The following TANGO2 variants were observed in gnomAD, a reference collection of about 807,000 sequenced individuals.
TANGO2 encodes the protein transport and Golgi organization protein 2 homolog.
Under a neutral mutation model 39.1 loss-of-function variants are expected in TANGO2, and 26 were observed. The ratio of observed to expected loss-of-function variants is 0.67; its 90% CI spans 0.49 to 0.92. The LOEUF is 0.92. Ranked by LOEUF, TANGO2 falls within the 40% of genes least tolerant of loss-of-function variation. The probability of loss-of-function intolerance (pLI) is 0.00; values close to 1 mark genes in which losing one functional copy is unlikely to be tolerated. For missense variants in TANGO2, 326 were observed against 360.1 expected (o/e 0.91, Z 0.77); for synonymous variants, 131 against 144.5 (o/e 0.91, Z 0.67).
chr22:20,062,798 A>G (rs1228354036), intron 7 of TANGO2, among the ~76,000 whole-genome samples: 2 of 152,238 alleles, frequency 1.3e-5, no homozygotes, highest in East Asian at 3.9e-4. Flanking sequence ...AGTTAAGGGT[A>G]GATGGAGATT....
At chr22:20,047,707 A>T (rs948140034) in intron 3 of TANGO2, among the ~76,000 whole-genome samples, 2 of 152,102 alleles carry the variant, frequency 1.3e-5, no homozygotes, top group African/African-American at 4.8e-5. Context: ...AGCCTCTCTA[A>T]TCATGGGCTC....
intron 3 of TANGO2, among the ~76,000 whole-genome samples, chr22:20,049,145 G>A (rs1208013618): frequency 6.6e-6 from 1 of 152,124 alleles, no homozygotes; most frequent in African/African-American, 2.4e-5. Context: ...TGAGGTAGGG[G>A]TTGAGATTTA....
intron 1 of TANGO2, among the ~76,000 whole-genome samples, chr22:20,036,464 G>A (rs893715482): frequency 2.6e-5 from 4 of 152,146 alleles, no homozygotes; most frequent in Admixed American, 6.5e-5. Flanking sequence ...GGACCCCCTC[G>A]GCACCCCAGC....
intron 1 of TANGO2, among the ~76,000 whole-genome samples, chr22:20,028,779 A>C (rs553106413): frequency 2.3e-4 from 35 of 152,306 alleles, no homozygotes; most frequent in African/African-American, 7.9e-4. Flanking sequence ...GCCCTGCAGC[A>C]CTGAGGTCTG....
chr22:20,036,540 G>A (rs2042884628), intron 1 of TANGO2, among the ~76,000 whole-genome samples: 2 of 152,228 alleles, frequency 1.3e-5, no homozygotes, highest in Non-Finnish European at 2.9e-5. Context: ...GGCTGGTGTT[G>A]CAGGTGGTGG....
chr22:20,036,901 G>T (rs1022434140), intron 2 of TANGO2, 47 bp downstream of exon 2: 12 of 1,614,094 alleles, frequency 7.4e-6, no homozygotes, highest in African/African-American at 1.3e-5. Flanking sequence ...GGTCCTGGGT[G>T]CCCAGCCAGT....
At chr22:20,042,542 T>A (rs1056195502) in intron 2 of TANGO2, among the ~76,000 whole-genome samples, 5 of 152,008 alleles carry the variant, frequency 3.3e-5, no homozygotes, top group African/African-American at 1.2e-4. Context: ...GGCGGGTAGA[T>A]CATTTGAGGT....
chr22:20,051,124 G>A (rs2046267391), intron 3 of TANGO2, among the ~76,000 whole-genome samples: 1 of 151,542 alleles, frequency 6.6e-6, no homozygotes, highest in African/African-American at 2.4e-5. Context: ...GCCTCCCAAA[G>A]GGCTGGGATT....
At chr22:20,020,301 C>T (rs991649976), upstream of TANGO2, among the ~76,000 whole-genome samples, 5 of 152,210 alleles carry the variant, frequency 3.3e-5, no homozygotes, top group Non-Finnish European at 7.3e-5. Flanking sequence ...TGAGGCAGGG[C>T]CTGAGCCTCT....
intron 6 of TANGO2, chr22:20,056,901 C>G (rs2047473076): frequency 4.4e-6 from 2 of 456,576 alleles, no homozygotes; most frequent in Admixed American, 2.3e-5. Flanking sequence ...GGTCCCTCTA[C>G]TCAAGCTGCT....
chr22:20,029,286 A>G lies in TANGO2; in HGVS notation c.-39-7474A>G, dbSNP rs558421082. 1.1e-4 allele frequency among the ~76,000 whole-genome samples: 16 copies of G among 152,330 alleles called. No individual in the cohort carries two copies. The East Asian group carries it at 3.1e-3, about 29-fold the overall frequency. On this transcript the variant is annotated intron_variant, in intron 1 of 8. Coordinates refer to ENST00000327374, the MANE Select transcript of TANGO2 (RefSeq NM_152906.7). ...CTAGAGCGGGGTGGCTCTCAGAAGC[A>G]GAAGGTGGGCAGAGAGGACGGTGCA...
chr22:20,023,621 G>A (rs552590867), intron 1 of TANGO2, among the ~76,000 whole-genome samples: 44 of 152,222 alleles, frequency 2.9e-4, no homozygotes, highest in African/African-American at 9.9e-4. Context: ...TTGGGAGGCC[G>A]AGGCGGGTGG....
At chr22:20,061,741 A>T in intron 7 of TANGO2, 58 bp downstream of exon 7, 1 of 1,487,462 alleles carries the variant, frequency 6.7e-7, no homozygotes, top group Middle Eastern at 2.4e-4. Flanking sequence ...GGGCAGAGGG[A>T]AAGGCAGGCC....
At chr22:20,032,008 C>T (rs1399774700) in intron 1 of TANGO2, among the ~76,000 whole-genome samples, 2 of 152,230 alleles carry the variant, frequency 1.3e-5, no homozygotes, top group African/African-American at 4.8e-5. Flanking sequence ...CCCCTCCAGG[C>T]TCACCTTGCC....
chr22:20,053,582 G>A (rs1418991970), intron 5 of TANGO2, 31 bp downstream of exon 5: 4 of 1,419,394 alleles, frequency 2.8e-6, no homozygotes, highest in Non-Finnish European at 4.0e-6. Context: ...TGGCGGCTCT[G>A]CCCAGCACTG....
At chr22:20,051,576 G>A (rs1271689001) in intron 3 of TANGO2, among the ~76,000 whole-genome samples, 1 of 152,168 alleles carries the variant, frequency 6.6e-6, no homozygotes, top group Non-Finnish European at 1.5e-5. Flanking sequence ...ATCCTAGCCA[G>A]TGCAGTGGCT....
chr22:20,062,502 C>T (rs1385871241), intron 7 of TANGO2, among the ~76,000 whole-genome samples: 1 of 152,250 alleles, frequency 6.6e-6, no homozygotes. Flanking sequence ...TAGGCGGCCT[C>T]GTCCTTCAGC....
chr22:20,051,709 C>T (rs544626390), intron 3 of TANGO2, among the ~76,000 whole-genome samples: 4 of 151,816 alleles, frequency 2.6e-5, no homozygotes, highest in South Asian at 2.1e-4. Context: ...AAAAATCAGC[C>T]GAGTGTGATG....
chr22:20,052,287 C>T (rs1280591088), intron 3 of TANGO2, among the ~76,000 whole-genome samples, 178 bp from the exon 4 acceptor site: 1 of 152,214 alleles, frequency 6.6e-6, no homozygotes, highest in African/African-American at 2.4e-5. Context: ...GGCTGCCTGG[C>T]CTTGAAGAGT....
Sources: allele counts gnomAD v4.1 joint callset (sites outside exome capture counted in the v4.1 genomes callset), GRCh38; gene constraint gnomAD v4.1.1; transcripts MANE v1.5; gene names NCBI Gene and HGNC (gene_info 2026-07-23, HGNC 2026-07-21).